The following PANK3 variants were observed in gnomAD, a reference collection of about 807,000 sequenced individuals.
PANK3 encodes the protein hPanK3.
A neutral mutation model predicts 39.4 loss-of-function variants in PANK3; 20 were observed. The observed-to-expected ratio is 0.51, with a 90% CI of 0.36 to 0.74. The LOEUF (loss-of-function observed/expected upper bound fraction) is 0.74, where lower values mean the gene tolerates loss of function less well. PANK3 is among the 30% of genes least tolerant of loss of function. The pLI is 0.00. For missense variants in PANK3, 265 were observed against 437.0 expected, an observed-to-expected ratio of 0.61 and a Z score of 3.51; for synonymous variants, 140 against 157.3, an observed-to-expected ratio of 0.89 and a Z score of 0.82.
rs1366805705 is a variant in PANK3, at chr5:168,554,235, T to C, written c.*3336A>G. 1.3e-5 allele frequency: 2 copies of C among 152,218 alleles called. No individual in the cohort carries two copies. Among genetic ancestry groups the C allele is most frequent in the East Asian group, 1.9e-4 (1 of 5,202 alleles). 9.4% of individuals were successfully genotyped at this position (152,218 alleles called of 1,614,324 possible). On this transcript the variant is annotated 3_prime_UTR_variant, in exon 7 of 7. Coordinates refer to ENST00000239231, the MANE Select transcript of PANK3 (RefSeq NM_024594.4). ...AGACTCTTGCTAATGGTTTAGGAAGTAGAAATGCTTGGGGATAAAATTGAC... is the reference window on the plus strand; with the variant it reads ...AGACTCTTGCTAATGGTTTAGGAAGCAGAAATGCTTGGGGATAAAATTGAC...
chr5:168,572,090 G>T (rs933120392), intron 1 of PANK3, among the ~76,000 whole-genome samples: 1 of 149,006 alleles, frequency 6.7e-6, no homozygotes, highest in Middle Eastern at 3.6e-3. Flanking sequence ...CAGTTTTGTT[G>T]AGTGCCTAGC....
At chr5:168,562,667 T>C (rs976956538) in intron 4 of PANK3, among the ~76,000 whole-genome samples, 24 of 152,306 alleles carry the variant, frequency 1.6e-4, no homozygotes, top group Non-Finnish European at 2.8e-4. Flanking sequence ...TGGAGAGGCC[T>C]TTTTAAATGT....
rs1040221594 is a variant in PANK3, at chr5:168,556,394, C to G, written c.*1177G>C. The stretch of plus-strand genomic sequence containing the variant: ...GTATTTTTATAAATGGAGTTTGGAC[C>G]TTGGTGACACTCAGCCTCTCTTCCC... On this transcript the variant is annotated 3_prime_UTR_variant, in exon 7 of 7. Coordinates refer to ENST00000239231, the MANE Select transcript of PANK3 (RefSeq NM_024594.4). 1.3e-5 allele frequency: 2 copies of G among 152,290 alleles called. No homozygotes were observed. The highest frequency in any genetic ancestry group is 4.8e-5 in the African/African-American group (2 of 41,462). 9.4% of individuals were successfully genotyped at this position (152,290 alleles called of 1,614,324 possible). A position where few individuals can be genotyped will look rare whatever the true frequency, so the allele number is the denominator to read the frequency against.
rs543732375 is a variant in PANK3, at chr5:168,553,895, T to A, written c.*3676A>T. 1.3e-5 allele frequency: 2 copies of A among 152,440 alleles called. No individual in the cohort carries two copies. Among genetic ancestry groups the A allele is most frequent in the Admixed American group, 6.5e-5 (1 of 15,298 alleles). The allele number at this position is 152,440 out of a possible 1,614,324, so 9.4% of individuals were successfully genotyped here. A position where few individuals can be genotyped will look rare whatever the true frequency, so the allele number is the denominator to read the frequency against. ...AACTTAGTTATTTCTTTGTATTACATCTGAACCATCAAAGCTAAATATTTT... is the reference window on the plus strand; with the variant it reads ...AACTTAGTTATTTCTTTGTATTACAACTGAACCATCAAAGCTAAATATTTT... On this transcript the variant is annotated 3_prime_UTR_variant, in exon 7 of 7. Transcript: ENST00000239231.
chr5:168,576,766 G>C (rs2113039566), intron 1 of PANK3, among the ~76,000 whole-genome samples: 1 of 140,268 alleles, frequency 7.1e-6, no homozygotes, highest in East Asian at 2.1e-4. Context: ...CACACTATGT[G>C]ATCAATAAAT....
chr5:168,565,102 T>C (rs551576380), intron 3 of PANK3, among the ~76,000 whole-genome samples: 2 of 152,206 alleles, frequency 1.3e-5, no homozygotes, highest in Admixed American at 6.5e-5. Context: ...TTCTTTGGCA[T>C]AGAGAATTAC....
intron 4 of PANK3, among the ~76,000 whole-genome samples, chr5:168,563,031 C>T (rs1759471167): frequency 6.6e-6 from 1 of 151,420 alleles, no homozygotes; most frequent in African/African-American, 2.4e-5. Context: ...AAACAAAAAA[C>T]CTGAAAAATG....
At chr5:168,571,292 C>A (rs1423051111) in intron 1 of PANK3, among the ~76,000 whole-genome samples, 1 of 152,114 alleles carries the variant, frequency 6.6e-6, no homozygotes, top group Admixed American at 6.5e-5. Flanking sequence ...TAGTTTAAAG[C>A]ACAACTGATT....
At chr5:168,573,416 C>CA (rs574960925) in intron 1 of PANK3, among the ~76,000 whole-genome samples, 3 of 16,950 alleles carry the variant, frequency 1.8e-4, no homozygotes, top group Non-Finnish European at 3.0e-4. Context: ...CTCAGCAAGG[C>CA]AAAAAAAAAA....
Position 168,549,507 on chromosome 5 carries a change from T to G in PANK3, c.*8064A>C, listed in dbSNP as rs1460203758. ...CGTATGAAAGAAACATATTTAGCAA[T>G]AAAAAATTTAATAATATCCTACAAC... is the stretch of plus-strand genomic sequence containing the variant. On this transcript the variant is annotated 3_prime_UTR_variant, in exon 7 of 7. Coordinates refer to ENST00000239231, the MANE Select transcript of PANK3 (RefSeq NM_024594.4). 2 of 152,170 alleles carry G rather than the reference T, an allele frequency of 1.3e-5. No homozygotes were observed. Among genetic ancestry groups the G allele is most frequent in the Non-Finnish European group, 2.9e-5 (2 of 68,006 alleles). The allele number at this position is 152,170 out of a possible 1,614,324, so 9.4% of individuals were successfully genotyped here. A position where few individuals can be genotyped will look rare whatever the true frequency, so the allele number is the denominator to read the frequency against.
At chr5:168,569,096 T>C (rs1166803352) in intron 1 of PANK3, 98 bp from the exon 2 acceptor site, 1 of 295,866 alleles carries the variant, frequency 3.4e-6, no homozygotes, top group East Asian at 7.5e-5. Context: ...ACAAACTTCA[T>C]TTACTCTGAA....
rs936182135 is a variant in PANK3, at chr5:168,555,900, T to C, written c.*1671A>G. 6.6e-6 allele frequency: 1 copy of C among 152,266 alleles called. No homozygotes were observed. The highest frequency in any genetic ancestry group is 2.4e-5 in the African/African-American group (1 of 41,466). The allele number at this position is 152,266 out of a possible 1,614,324, so 9.4% of individuals were successfully genotyped here. A position where few individuals can be genotyped will look rare whatever the true frequency, so the allele number is the denominator to read the frequency against. On this transcript the variant is annotated 3_prime_UTR_variant, in exon 7 of 7. Transcript: ENST00000239231. ...GTGCCTATCATTTTTCCATTGATAC[T>C]GATAAAGTTGCCTAAGACACAACTT...
At chr5:168,564,865 A>C (rs1759501243) in intron 3 of PANK3, among the ~76,000 whole-genome samples, 1 of 152,246 alleles carries the variant, frequency 6.6e-6, no homozygotes, top group Non-Finnish European at 1.5e-5. Context: ...CAATGAGTAA[A>C]TTTATGTCCA....
At position 168,566,101 on chromosome 5, in the gene PANK3, A is replaced by C; in HGVS notation, c.547T>G (p.Tyr183Asp). The change falls in exon 3 of 7, where the codon TAT (tyrosine) becomes GAT (aspartate). Residue 183 changes from tyrosine to aspartate, a missense_variant. Coordinates refer to ENST00000239231, the MANE Select transcript of PANK3 (RefSeq NM_024594.4). ...QKMPFNLDDP[Y>D]PLLVVNIGSG... ...CCAATGTTCACTACAAGCAGTGGATAGGGATCATCCAGGTTAAAAGGCATC... is the reference window on the plus strand; with the variant it reads ...CCAATGTTCACTACAAGCAGTGGATCGGGATCATCCAGGTTAAAAGGCATC... The C allele has an allele frequency of 6.2e-7, 1 of 1,613,872 alleles. No individual in the cohort carries two copies. Among genetic ancestry groups the C allele is most frequent in the Non-Finnish European group, 8.5e-7 (1 of 1,179,950 alleles).
At chr5:168,573,657 TCCCTCCC>T (rs974145870) in intron 1 of PANK3, among the ~76,000 whole-genome samples, 2 of 105,756 alleles carry the variant, frequency 1.9e-5, no homozygotes, top group African/African-American at 7.2e-5. Flanking sequence ...CCCAATGCTA[TCCCTCCC>T]CCCTCCCCCC....
intron 3 of PANK3, among the ~76,000 whole-genome samples, chr5:168,564,896 CA>C (rs1173675349): frequency 6.6e-6 from 1 of 152,192 alleles, no homozygotes; most frequent in Non-Finnish European, 1.5e-5. Context: ...ATGTCAATTA[CA>C]GAAATTTATT....
At chr5:168,577,500 A>T (rs1309917715) in intron 1 of PANK3, among the ~76,000 whole-genome samples, 2 of 152,080 alleles carry the variant, frequency 1.3e-5, no homozygotes, top group Non-Finnish European at 2.9e-5. Flanking sequence ...TGCCCGGCTA[A>T]TCTTTTTATT....
intron 1 of PANK3, among the ~76,000 whole-genome samples, chr5:168,578,322 G>C (rs1338019269): frequency 1.3e-5 from 2 of 152,234 alleles, no homozygotes; most frequent in Non-Finnish European, 2.9e-5. Flanking sequence ...GGCGGGCAGG[G>C]AAGGTGTCAG....
chr5:168,562,519 T>A (rs1044880705), intron 4 of PANK3, among the ~76,000 whole-genome samples: 2 of 152,188 alleles, frequency 1.3e-5, no homozygotes, highest in East Asian at 3.9e-4. Flanking sequence ...CAAAGGGCAC[T>A]GGATTCCCTG....
Sources: gnomAD v4.1 joint callset for allele counts (sites outside exome capture counted in the v4.1 genomes callset) on GRCh38, gnomAD v4.1.1 for gene constraint, MANE v1.5 for transcripts, NCBI Gene and HGNC (gene_info 2026-07-23, HGNC 2026-07-21) for gene names.